Variants in OXR1 observed in about 807,000 individuals in gnomAD.
OXR1 encodes oxidation resistance 1.
In OXR1, 41 loss-of-function variants were observed where a neutral mutation model predicts 104.6. The observed-to-expected ratio is 0.39, with a 90% confidence interval of 0.31 to 0.51. The LOEUF is 0.51. Among genes scored for constraint, OXR1 ranks in the 20% least tolerant of loss-of-function variants. OXR1 has a pLI of 0.77. For missense variants in OXR1, 955 were observed against 1,031.9 expected, an observed-to-expected ratio of 0.93 and a Z score of 1.02; for synonymous variants, 348 against 348.4, an observed-to-expected ratio of 1.00 and a Z score of 0.01.
At position 106,752,383 on chromosome 8, in the gene OXR1, TAAAG is replaced by T. The variant is rs1835940799; in HGVS notation, c.*1447_*1450del. 1 of 152,532 alleles carries T rather than the reference TAAAG, an allele frequency of 6.6e-6. No homozygotes were observed. Among genetic ancestry groups the T allele is most frequent in the African/African-American group, 2.4e-5 (1 of 41,448 alleles). 9.4% of individuals were successfully genotyped at this position (152,532 alleles called of 1,614,324 possible). A position where few individuals can be genotyped will look rare whatever the true frequency, so the allele number is the denominator to read the frequency against. On this transcript the variant is annotated 3_prime_UTR_variant, in exon 17 of 17. Transcript: ENST00000517566. ...TCTTTTGAAAGTTTAGATAATTATT[TAAAG>T]AAAGCATAATGCTAATGGAAAAGAA...
chr8:106,626,250 T>C (rs1308222237), intron 3 of OXR1, among the ~76,000 whole-genome samples: 1 of 151,916 alleles, frequency 6.6e-6, no homozygotes, highest in Non-Finnish European at 1.5e-5. Flanking sequence ...AGAAGTATAT[T>C]ATTTACTGAC....
intron 4 of OXR1, among the ~76,000 whole-genome samples, chr8:106,682,022 T>A (rs1243467838): frequency 1.3e-5 from 2 of 152,182 alleles, no homozygotes; most frequent in Admixed American, 6.5e-5. Flanking sequence ...TCTCTACTTT[T>A]CAAATTCCCA....
chr8:106,415,726 T>C (rs1009014909), intron 2 of OXR1, among the ~76,000 whole-genome samples: 4 of 152,174 alleles, frequency 2.6e-5, no homozygotes, highest in Non-Finnish European at 5.9e-5. Context: ...ATTGCTTACA[T>C]AGTCATAAAT....
chr8:106,428,030 A>T (rs1819203584), intron 2 of OXR1, among the ~76,000 whole-genome samples: 2 of 152,126 alleles, frequency 1.3e-5, no homozygotes, highest in Non-Finnish European at 2.9e-5. Context: ...ATTTTATTTT[A>T]ATTATTTAAA....
intron 2 of OXR1, among the ~76,000 whole-genome samples, chr8:106,377,235 G>C (rs191418764): frequency 3.9e-5 from 6 of 152,112 alleles, no homozygotes; most frequent in Admixed American, 3.9e-4. Flanking sequence ...TCAGGCTAGA[G>C]TACAGTGGCA....
intron 2 of OXR1, among the ~76,000 whole-genome samples, chr8:106,394,303 G>GT (rs1298539587): frequency 6.7e-6 from 1 of 148,456 alleles, no homozygotes; most frequent in African/African-American, 2.5e-5. Flanking sequence ...TGTTAGAATG[G>GT]TAAAAAAAAA....
chr8:106,502,780 G>A (rs1811895587), intron 2 of OXR1, among the ~76,000 whole-genome samples: 1 of 152,088 alleles, frequency 6.6e-6, no homozygotes, highest in African/African-American at 2.4e-5. Flanking sequence ...TCCCACTCCT[G>A]TACCTTTACC....
intron 2 of OXR1, among the ~76,000 whole-genome samples, chr8:106,370,291 T>TC (rs1816650159): frequency 6.6e-6 from 1 of 152,096 alleles, no homozygotes; most frequent in East Asian, 1.9e-4. Flanking sequence ...GTTCAAGAAG[T>TC]TTTGAGGCTG....
intron 2 of OXR1, among the ~76,000 whole-genome samples, chr8:106,471,401 C>T (rs1379243959): frequency 1.3e-5 from 2 of 151,762 alleles, no homozygotes; most frequent in African/African-American, 4.8e-5. Context: ...TCAATCCAGC[C>T]TAGGAACCTC....
rs566021949 is a variant in OXR1 at position 106,423,675 on chromosome 8, G to T, written c.23+64039G>T. ...GATCTTAAAAGTAGAGAAAAAATTGGCTTGGTTTTGATTTGTGCACGTGGG... is the reference window on the plus strand; with the variant it reads ...GATCTTAAAAGTAGAGAAAAAATTGTCTTGGTTTTGATTTGTGCACGTGGG... On this transcript the variant is annotated intron_variant, in intron 2 of 16. Coordinates refer to ENST00000517566, the MANE Select transcript of OXR1 (RefSeq NM_001198533.2). 4.0e-4 allele frequency among the ~76,000 whole-genome samples: 61 copies of T among 152,172 alleles called. 2 individuals carry two copies. The South Asian group carries it at 6.4e-3, about 16-fold the overall frequency.
At chr8:106,570,071 C>G (rs1817365342) in intron 3 of OXR1, among the ~76,000 whole-genome samples, 1 of 152,144 alleles carries the variant, frequency 6.6e-6, no homozygotes, top group Non-Finnish European at 1.5e-5. Context: ...CTGAGTTTGA[C>G]CCCTGGCCAT....
At chr8:106,668,666 A>G (rs932207564) in intron 3 of OXR1, among the ~76,000 whole-genome samples, 9 of 152,218 alleles carry the variant, frequency 5.9e-5, no homozygotes, top group South Asian at 2.1e-4. Flanking sequence ...GGTATATTTT[A>G]TATTCCTCAA....
intron 3 of OXR1, among the ~76,000 whole-genome samples, chr8:106,638,667 G>A (rs1017306593): frequency 4.6e-5 from 7 of 152,134 alleles, no homozygotes; most frequent in African/African-American, 9.7e-5. Flanking sequence ...TTGATAGGCC[G>A]AGGTGGGCAG....
At chr8:106,367,220 C>T (rs1816507861) in intron 2 of OXR1, among the ~76,000 whole-genome samples, 1 of 151,882 alleles carries the variant, frequency 6.6e-6, no homozygotes, top group African/African-American at 2.4e-5. Context: ...TGCCACCATG[C>T]CCGGCTAATT....
intron 1 of OXR1, among the ~76,000 whole-genome samples, chr8:106,307,999 CACACACACACACAA>C (rs369928397): frequency 0.034 from 5,173 of 151,306 alleles, 298 homozygotes; most frequent in African/African-American, 0.12. Flanking sequence ...ACCAAAAGGA[CACACACACACACAA>C]ACACACACAC....
chr8:106,636,271 A>G (rs1489075176), intron 3 of OXR1, among the ~76,000 whole-genome samples: 4 of 152,174 alleles, frequency 2.6e-5, no homozygotes, highest in Admixed American at 2.6e-4. Flanking sequence ...TCCTTTTAAC[A>G]TCATATAAAC....
intron 3 of OXR1, among the ~76,000 whole-genome samples, chr8:106,558,731 C>G (rs558681009): frequency 4.6e-5 from 7 of 152,290 alleles, no homozygotes; most frequent in African/African-American, 1.7e-4. Context: ...TTTCCAAAAT[C>G]ATAAGATGAT....
intron 2 of OXR1, among the ~76,000 whole-genome samples, chr8:106,498,719 C>CA: frequency 6.6e-6 from 1 of 152,062 alleles, no homozygotes; most frequent in Non-Finnish European, 1.5e-5. Flanking sequence ...CATGATGCAT[C>CA]TGGGCACTCA....
chr8:106,444,936 A>C (rs954523150), intron 2 of OXR1, among the ~76,000 whole-genome samples: 13 of 152,302 alleles, frequency 8.5e-5, no homozygotes, highest in African/African-American at 2.9e-4. Context: ...CATTATGATA[A>C]TTTAATATAA....
Sources: allele counts gnomAD v4.1 joint callset (sites outside exome capture counted in the v4.1 genomes callset), GRCh38; gene constraint gnomAD v4.1.1; transcripts MANE v1.5; gene names NCBI Gene and HGNC (gene_info 2026-07-23, HGNC 2026-07-21).